Variants in ANK2 observed in about 807,000 individuals in gnomAD.
ANK2 encodes the protein ankyrin 2, also known as ankyrin-2.
Under a neutral mutation model 360.5 loss-of-function variants are expected in ANK2, and 83 were observed. The ratio of observed to expected loss-of-function variants is 0.23; its 90% CI spans 0.19 to 0.28. ANK2 has a LOEUF of 0.28. ANK2 is among the 10% of genes least tolerant of loss of function. The pLI is 1.00. For missense variants in ANK2, 4,201 were observed against 4,795.7 expected, an observed-to-expected ratio of 0.88 and a Z score of 3.66; for synonymous variants, 1,740 against 1,759.5, an observed-to-expected ratio of 0.99 and a Z score of 0.28.
chr4:112,788,812 C>A, the ANK2 span: 30 of 1,138,862 alleles, frequency 2.6e-5, no homozygotes, highest in East Asian at 1.4e-4. Flanking sequence ...TTCTTAGCCT[C>A]CTGCTTCTTC....
chr4:113,269,349 A>G (rs555954958), intron 14 of ANK2, among the ~76,000 whole-genome samples: 7 of 152,300 alleles, frequency 4.6e-5, no homozygotes, highest in Admixed American at 2.0e-4. Context: ...AGCTAGCTCA[A>G]TGTCTGCCCA....
At chr4:112,742,979 G>C in the ANK2 span, among the ~76,000 whole-genome samples, 1 of 152,148 alleles carries the variant, frequency 6.6e-6, no homozygotes, top group Non-Finnish European at 1.5e-5. Flanking sequence ...TCTGAGATCC[G>C]TCAGGACTAC....
intron 1 of ANK2, among the ~76,000 whole-genome samples, chr4:113,062,354 A>G (rs955183063): frequency 6.6e-6 from 1 of 152,090 alleles, no homozygotes; most frequent in Admixed American, 6.6e-5. Flanking sequence ...TGAAAGTAAT[A>G]ATAATGTGCA....
intron 1 of ANK2, among the ~76,000 whole-genome samples, chr4:113,118,632 C>G (rs1282629526): frequency 1.3e-5 from 2 of 152,108 alleles, no homozygotes; most frequent in Non-Finnish European, 2.9e-5. Flanking sequence ...CTGGGGAAAA[C>G]TTTCATACTG....
At chr4:112,907,295 T>C (rs928273699) in intron 2 of ANK2, among the ~76,000 whole-genome samples, 2 of 152,208 alleles carry the variant, frequency 1.3e-5, no homozygotes, top group Admixed American at 1.3e-4. Context: ...CTGTGTCCCA[T>C]TTGACTTTTA....
At chr4:113,228,558 G>C (rs115865475) in intron 4 of ANK2, among the ~76,000 whole-genome samples, 9 of 152,092 alleles carry the variant, frequency 5.9e-5, no homozygotes, top group Admixed American at 2.6e-4. Flanking sequence ...GTATATATAC[G>C]TACCACAATT....
intron 1 of ANK2, among the ~76,000 whole-genome samples, chr4:113,108,704 A>G (rs1581810518): frequency 6.6e-6 from 1 of 152,172 alleles, no homozygotes; most frequent in Admixed American, 6.5e-5. Context: ...CTGTGAAGAC[A>G]TGGGATTTAA....
upstream of ANK2, among the ~76,000 whole-genome samples, chr4:112,815,815 A>G (rs1256956114): frequency 6.6e-6 from 1 of 152,230 alleles, no homozygotes; most frequent in African/African-American, 2.4e-5. Flanking sequence ...GGACCACATC[A>G]AACACCACGG....
chr4:113,190,380 G>A (rs911881658), intron 2 of ANK2, among the ~76,000 whole-genome samples: 9 of 152,170 alleles, frequency 5.9e-5, no homozygotes, highest in African/African-American at 2.2e-4. Flanking sequence ...AAAGTGCTCG[G>A]ATTATAAGCG....
At chr4:112,948,739 A>G (rs1182178551) in intron 2 of ANK2, among the ~76,000 whole-genome samples, 1 of 152,098 alleles carries the variant, frequency 6.6e-6, no homozygotes, top group Non-Finnish European at 1.5e-5. Flanking sequence ...TCAAAACGTT[A>G]TTGTTATATG....
chr4:112,982,970 G>T (rs959071537), intron 2 of ANK2, among the ~76,000 whole-genome samples: 89 of 152,260 alleles, frequency 5.8e-4, no homozygotes, highest in African/African-American at 2.0e-3. Flanking sequence ...TCTGTTTGAA[G>T]AATGCAACAA....
the ANK2 span, among the ~76,000 whole-genome samples, chr4:112,781,827 A>ATTTTTTTT: frequency 8.0e-6 from 1 of 124,774 alleles, no homozygotes; most frequent in African/African-American, 3.0e-5. Context: ...TGATAACAGT[A>ATTTTTTTT]TTTTTTTTTT....
At chr4:113,255,071 TA>T (rs2048561472) in intron 10 of ANK2, among the ~76,000 whole-genome samples, 1 of 152,224 alleles carries the variant, frequency 6.6e-6, no homozygotes, top group South Asian at 2.1e-4. Flanking sequence ...GAATTAAGGC[TA>T]AAGCTGTTTT....
intron 18 of ANK2, among the ~76,000 whole-genome samples, chr4:113,286,579 G>C (rs1283406245): frequency 6.6e-6 from 1 of 152,206 alleles, no homozygotes; most frequent in Non-Finnish European, 1.5e-5. Flanking sequence ...GCAGGAGAGT[G>C]GGCCTGAAAA....
chr4:112,758,282 C>T, the ANK2 span, among the ~76,000 whole-genome samples: 2 of 151,918 alleles, frequency 1.3e-5, no homozygotes, highest in African/African-American at 2.4e-5. Context: ...ATTATTTTTC[C>T]GATTTATAGT....
chr4:112,970,729 A>G (rs1457269961), intron 2 of ANK2, among the ~76,000 whole-genome samples: 1 of 152,200 alleles, frequency 6.6e-6, no homozygotes, highest in Admixed American at 6.5e-5. Context: ...GGTCAAAAGT[A>G]CAAAATTTCA....
chr4:112,936,787 T>G (rs1003244108), intron 2 of ANK2, among the ~76,000 whole-genome samples: 2 of 152,172 alleles, frequency 1.3e-5, no homozygotes, highest in Non-Finnish European at 2.9e-5. Context: ...TATAATTTTT[T>G]TTTTGTTTGT....
chr4:113,175,408 C>T (rs952814912), intron 2 of ANK2, among the ~76,000 whole-genome samples: 4 of 152,132 alleles, frequency 2.6e-5, no homozygotes, highest in Non-Finnish European at 4.4e-5. Flanking sequence ...TATTGTACTC[C>T]CTAATTCCTA....
At chr4:112,988,899 A>C (rs1317240701) in intron 2 of ANK2, among the ~76,000 whole-genome samples, 1 of 152,100 alleles carries the variant, frequency 6.6e-6, no homozygotes, top group Non-Finnish European at 1.5e-5. Context: ...CAAATGGTAA[A>C]AAAATTCTGA....
Sources: allele counts gnomAD v4.1 joint callset (sites outside exome capture counted in the v4.1 genomes callset), GRCh38; gene constraint gnomAD v4.1.1; transcripts MANE v1.5; gene names NCBI Gene and HGNC (gene_info 2026-07-23, HGNC 2026-07-21).